The following PDGFC variants were observed in gnomAD, a reference collection of about 807,000 sequenced individuals.
The protein encoded by PDGFC is platelet-derived growth factor C.
A neutral mutation model predicts 35.5 loss-of-function variants in PDGFC; 12 were observed. That is an observed-to-expected ratio of 0.34 (90% CI 0.22 to 0.55). The LOEUF is 0.55. Ranked by LOEUF, PDGFC falls within the 20% of genes least tolerant of loss-of-function variation. The probability of loss-of-function intolerance (pLI) is 0.91; values close to 1 mark genes in which losing one functional copy is unlikely to be tolerated. For synonymous variants in PDGFC, 159 were observed against 148.8 expected, an observed-to-expected ratio of 1.07 and a Z score of -0.50; for missense variants, 322 against 412.4, an observed-to-expected ratio of 0.78 and a Z score of 1.90.
chr4:156,863,846 C>T (rs1032571341), intron 1 of PDGFC, among the ~76,000 whole-genome samples: 2 of 152,080 alleles, frequency 1.3e-5, no homozygotes, highest in East Asian at 3.8e-4. Flanking sequence ...ACTGAATCTT[C>T]ATTAAAGTAC....
intron 1 of PDGFC, among the ~76,000 whole-genome samples, chr4:156,954,046 T>C (rs182048553): frequency 2.3e-3 from 353 of 152,092 alleles, no homozygotes; most frequent in African/African-American, 8.2e-3. Flanking sequence ...AACATTTCTA[T>C]TGCCTTAAAT....
At chr4:156,842,064 A>G (rs1729218455) in intron 2 of PDGFC, 1 of 152,184 alleles carries the variant, frequency 6.6e-6, no homozygotes, top group Non-Finnish European at 1.5e-5. Flanking sequence ...CAACACGAAG[A>G]AAAAAGAGAA....
chr4:156,956,339 C>T (rs1732209241), intron 1 of PDGFC, among the ~76,000 whole-genome samples: 1 of 152,012 alleles, frequency 6.6e-6, no homozygotes, highest in African/African-American at 2.4e-5. Context: ...AGTCCGATGG[C>T]ATTAGCATCA....
rs189689710 is a variant in PDGFC, at chr4:156,900,657, A to G, written c.119-50241T>C. Among the ~76,000 whole-genome samples, 3 of 152,228 alleles carry G rather than the reference A, an allele frequency of 2.0e-5. No individual in the cohort carries two copies. The East Asian group carries it at 5.8e-4, about 29-fold the overall frequency. ...GGAGTTCAAAACCAGCAAGGGCAAC[A>G]TGGCAAAACATCATCTCTACAAAAA... is the stretch of plus-strand genomic sequence containing the variant. On this transcript the variant is annotated intron_variant, in intron 1 of 5. Coordinates refer to ENST00000502773, the MANE Select transcript of PDGFC (RefSeq NM_016205.3).
intron 1 of PDGFC, among the ~76,000 whole-genome samples, chr4:156,864,498 G>C (rs1177074022): frequency 6.6e-6 from 1 of 152,092 alleles, no homozygotes; most frequent in Non-Finnish European, 1.5e-5. Flanking sequence ...TTCTTGGCTT[G>C]ACTTGGGAAA....
At chr4:156,845,196 G>A (rs140118021) in intron 2 of PDGFC, among the ~76,000 whole-genome samples, 217 of 151,674 alleles carry the variant, frequency 1.4e-3, no homozygotes, top group African/African-American at 4.7e-3. Context: ...GAACTGGACC[G>A]AAAATAAAAT....
chr4:156,784,430 A>T (rs2110858125), intron 3 of PDGFC, among the ~76,000 whole-genome samples: 1 of 152,324 alleles, frequency 6.6e-6, no homozygotes, highest in African/African-American at 2.4e-5. Context: ...GAGGAGTAAA[A>T]GTAGGCCACT....
At chr4:156,828,824 G>A (rs1728856194) in intron 2 of PDGFC, among the ~76,000 whole-genome samples, 1 of 151,892 alleles carries the variant, frequency 6.6e-6, no homozygotes, top group Non-Finnish European at 1.5e-5. Flanking sequence ...TCAATCACTT[G>A]GAATACTGTA....
chr4:156,808,029 G>A (rs1319220916), intron 3 of PDGFC, among the ~76,000 whole-genome samples: 3 of 152,032 alleles, frequency 2.0e-5, no homozygotes, highest in Non-Finnish European at 4.4e-5. Context: ...TTTAGCTAAT[G>A]CAAGAATGTG....
At chr4:156,784,319 G>C (rs1306492523) in intron 3 of PDGFC, among the ~76,000 whole-genome samples, 1 of 152,176 alleles carries the variant, frequency 6.6e-6, no homozygotes, top group Non-Finnish European at 1.5e-5. Flanking sequence ...GTCGGGAAGA[G>C]AGCCTGGAGG....
intron 4 of PDGFC, among the ~76,000 whole-genome samples, chr4:156,768,909 C>A (rs1730614066): frequency 6.6e-6 from 1 of 151,826 alleles, no homozygotes; most frequent in South Asian, 2.1e-4. Flanking sequence ...AAATAACATG[C>A]CATGTTCAAT....
chr4:156,837,484 A>C (rs887979385), intron 2 of PDGFC, among the ~76,000 whole-genome samples: 3 of 152,164 alleles, frequency 2.0e-5, no homozygotes, highest in Non-Finnish European at 4.4e-5. Context: ...AGTAACATGA[A>C]TATTTCTTTG....
intron 2 of PDGFC, among the ~76,000 whole-genome samples, chr4:156,831,650 G>T (rs1728936523): frequency 6.6e-6 from 1 of 151,484 alleles, no homozygotes; most frequent in African/African-American, 2.4e-5. Flanking sequence ...CTTCATGTTG[G>T]CCAGGCTGGT....
intron 2 of PDGFC, chr4:156,841,360 A>C (rs1281653094): frequency 6.3e-6 from 1 of 158,156 alleles, no homozygotes; most frequent in Non-Finnish European, 1.4e-5. Flanking sequence ...TTTGCTCAGC[A>C]CTTCTCCTTC....
intron 1 of PDGFC, among the ~76,000 whole-genome samples, chr4:156,858,193 A>T (rs1729628740): frequency 6.6e-6 from 1 of 152,040 alleles, no homozygotes. Flanking sequence ...GGATCTATAA[A>T]ATTTTTCTGG....
chr4:156,941,008 C>G (rs906125746), intron 1 of PDGFC, among the ~76,000 whole-genome samples: 1 of 152,124 alleles, frequency 6.6e-6, no homozygotes, highest in Non-Finnish European at 1.5e-5. Flanking sequence ...AATGTGGTAA[C>G]TATCAATAGA....
chr4:156,910,166 G>A (rs978327873), intron 1 of PDGFC, among the ~76,000 whole-genome samples: 2 of 151,984 alleles, frequency 1.3e-5, no homozygotes, highest in African/African-American at 4.8e-5. Flanking sequence ...GGGGCAGTTT[G>A]TTACCACAGC....
At chr4:156,890,468 C>A (rs140845483) in intron 1 of PDGFC, among the ~76,000 whole-genome samples, 1 of 152,294 alleles carries the variant, frequency 6.6e-6, no homozygotes, top group Non-Finnish European at 1.5e-5. Context: ...CCTTTCCCAC[C>A]TAACTCATTC....
intron 2 of PDGFC, among the ~76,000 whole-genome samples, chr4:156,817,354 C>T (rs1408367747): frequency 6.6e-6 from 1 of 151,852 alleles, no homozygotes; most frequent in African/African-American, 2.4e-5. Context: ...CGAGAATTTA[C>T]AAAATTAGCA....
Sources: gnomAD v4.1 joint callset for allele counts (sites outside exome capture counted in the v4.1 genomes callset) on GRCh38, gnomAD v4.1.1 for gene constraint, MANE v1.5 for transcripts, NCBI Gene and HGNC (gene_info 2026-07-23, HGNC 2026-07-21) for gene names.